The following RALYL variants were observed in gnomAD, a reference collection of about 807,000 sequenced individuals.
RALYL encodes RNA-binding Raly-like protein.
In RALYL, 29 loss-of-function variants were observed where a neutral mutation model predicts 35.1. The observed-to-expected ratio is 0.83, with a 90% CI of 0.61 to 1.13. RALYL has a LOEUF of 1.13. Ranked by LOEUF, RALYL falls within the 50% of genes most tolerant of loss-of-function variation. The probability of loss-of-function intolerance (pLI) is 0.00; values close to 1 mark genes in which losing one functional copy is unlikely to be tolerated. For synonymous variants in RALYL, 120 were observed against 127.6 expected, an observed-to-expected ratio of 0.94 and a Z score of 0.40; for missense variants, 359 against 360.4, an observed-to-expected ratio of 1.00 and a Z score of 0.03.
intron 2 of RALYL, among the ~76,000 whole-genome samples, chr8:84,759,017 G>T (rs1462975883): frequency 6.6e-6 from 1 of 152,014 alleles, no homozygotes; most frequent in East Asian, 1.9e-4. Flanking sequence ...CCAACTTCTG[G>T]CAGCCTCCTG....
intron 1 of RALYL, among the ~76,000 whole-genome samples, chr8:84,484,327 A>G (rs7844228): frequency 0.04 from 6,015 of 152,194 alleles, 241 homozygotes; most frequent in African/African-American, 0.099. Context: ...TTGAAAGTAG[A>G]GTAAATTAAA....
intron 1 of RALYL, among the ~76,000 whole-genome samples, chr8:84,201,255 T>C (rs1257337065): frequency 6.6e-6 from 1 of 152,094 alleles, no homozygotes; most frequent in Non-Finnish European, 1.5e-5. Context: ...CTGTATAGTC[T>C]TTGAGGTTAA....
At chr8:84,533,228 G>C (rs190496981) in intron 2 of RALYL, among the ~76,000 whole-genome samples, 83 of 152,134 alleles carry the variant, frequency 5.5e-4, no homozygotes, top group Non-Finnish European at 1.1e-3. Flanking sequence ...TTCTAAGTTT[G>C]TTAATATTGG....
intron 1 of RALYL, among the ~76,000 whole-genome samples, chr8:84,282,470 A>G (rs2132097882): frequency 1.3e-5 from 2 of 152,062 alleles, no homozygotes; most frequent in African/African-American, 4.8e-5. Flanking sequence ...CATTCCTTTC[A>G]AAGTGTGAAC....
intron 2 of RALYL, among the ~76,000 whole-genome samples, chr8:84,671,150 T>G (rs1223083890): frequency 6.6e-6 from 1 of 152,026 alleles, no homozygotes; most frequent in East Asian, 1.9e-4. Context: ...ATCTTAAAGC[T>G]CCAAAATGAT....
intron 2 of RALYL, among the ~76,000 whole-genome samples, chr8:84,716,898 C>T (rs1410337033): frequency 6.6e-6 from 1 of 151,962 alleles, no homozygotes; most frequent in Non-Finnish European, 1.5e-5. Flanking sequence ...TAACCAAGCA[C>T]AGGAACAAAA....
intron 4 of RALYL, chr8:84,828,906 A>T (rs555061907): frequency 6.5e-6 from 1 of 152,686 alleles, no homozygotes; most frequent in Non-Finnish European, 1.5e-5. Flanking sequence ...TGCTTTATAC[A>T]TTATCAAGGT....
In RALYL at chr8:84,825,407, A is replaced by G. The variant is rs1829459602; in HGVS notation, c.365+20605A>G. Among the ~76,000 whole-genome samples, 4 of 152,330 alleles carry G rather than the reference A, an allele frequency of 2.6e-5. No homozygotes were observed. In the South Asian group the frequency reaches 8.3e-4, roughly 32 times the overall value. On this transcript the variant is annotated intron_variant, in intron 4 of 8. Transcript: ENST00000521268. ...TCATACACTGTTGGTGGGAATGTAAATTAGTTCAACCACTGTGGAAAGCAG... is the reference window on the plus strand; with the variant it reads ...TCATACACTGTTGGTGGGAATGTAAGTTAGTTCAACCACTGTGGAAAGCAG...
At chr8:84,572,982 A>G (rs1469129345) in intron 2 of RALYL, among the ~76,000 whole-genome samples, 2 of 151,512 alleles carry the variant, frequency 1.3e-5, no homozygotes, top group East Asian at 1.9e-4. Flanking sequence ...TTGCAACTTT[A>G]TATAATCCCA....
At chr8:84,684,302 A>G (rs1836293998) in intron 2 of RALYL, among the ~76,000 whole-genome samples, 1 of 152,166 alleles carries the variant, frequency 6.6e-6, no homozygotes, top group Non-Finnish European at 1.5e-5. Flanking sequence ...ATTTATGTTT[A>G]TTTGATAAAT....
At chr8:84,323,203 C>T (rs953112230) in intron 1 of RALYL, among the ~76,000 whole-genome samples, 1 of 151,726 alleles carries the variant, frequency 6.6e-6, no homozygotes, top group Non-Finnish European at 1.5e-5. Flanking sequence ...GAATTGTAAT[C>T]CTTAATAATT....
intron 2 of RALYL, among the ~76,000 whole-genome samples, chr8:84,711,232 C>T (rs1486694531): frequency 6.6e-6 from 1 of 152,096 alleles, no homozygotes; most frequent in Non-Finnish European, 1.5e-5. Flanking sequence ...TAGAGTAGGA[C>T]AGACAACAGA....
At position 84,609,682 on chromosome 8, in the gene RALYL, T is replaced by A. The variant is rs148276093; in HGVS notation, c.256+80105T>A. 3.1e-4 allele frequency among the ~76,000 whole-genome samples: 47 copies of A among 152,324 alleles called. No individual in the cohort carries two copies. The East Asian group carries it at 6.2e-3, about 20-fold the overall frequency. ...CCTATATAATCCTGAATGCTCTGCA[T>A]ACAGTTTCTTCTATTATTAGCATCT... On this transcript the variant is annotated intron_variant, in intron 2 of 8. Transcript: ENST00000521268.
chr8:84,554,305 G>T (rs1251874521), intron 2 of RALYL, among the ~76,000 whole-genome samples: 1 of 152,086 alleles, frequency 6.6e-6, no homozygotes, highest in Non-Finnish European at 1.5e-5. Context: ...GTAGTTCATT[G>T]TGTTTTGTTT....
intron 2 of RALYL, among the ~76,000 whole-genome samples, chr8:84,730,860 T>C (rs1189758627): frequency 6.6e-6 from 1 of 151,942 alleles, no homozygotes; most frequent in Non-Finnish European, 1.5e-5. Flanking sequence ...TACTTGATGA[T>C]GGGAATGAGA....
rs562189904 is a variant in RALYL, at chr8:84,568,148, A to G, written c.256+38571A>G. The stretch of plus-strand genomic sequence containing the variant: ...TGCGCCATGTTGGGGTGCTGCACCC[A>G]TTAACTCGTCATTTACATTAGGTAT... On this transcript the variant is annotated intron_variant, in intron 2 of 8. Coordinates refer to ENST00000521268, the MANE Select transcript of RALYL (RefSeq NM_173848.7). Among the ~76,000 whole-genome samples, 260 of 148,138 alleles carry G rather than the reference A, an allele frequency of 1.8e-3. 2 individuals carry two copies. The highest frequency in any genetic ancestry group is 6.3e-3 in the African/African-American group (254 of 40,468).
chr8:84,483,163 A>G (rs1328428078), intron 1 of RALYL, among the ~76,000 whole-genome samples: 2 of 152,102 alleles, frequency 1.3e-5, no homozygotes, highest in African/African-American at 2.4e-5. Flanking sequence ...CATTGTTTCA[A>G]TTTCTAATTG....
chr8:84,270,458 T>C (rs570766076), intron 1 of RALYL, among the ~76,000 whole-genome samples: 14 of 152,010 alleles, frequency 9.2e-5, no homozygotes, highest in Non-Finnish European at 2.1e-4. Context: ...GGGAGAATAC[T>C]GACAGAAGAG....
At chr8:84,733,063 T>C (rs188327800) in intron 2 of RALYL, among the ~76,000 whole-genome samples, 1 of 152,164 alleles carries the variant, frequency 6.6e-6, no homozygotes. Context: ...AGTCAGATAT[T>C]AGTTGTTTGG....
Sources: gnomAD v4.1 joint callset for allele counts (sites outside exome capture counted in the v4.1 genomes callset) on GRCh38, gnomAD v4.1.1 for gene constraint, MANE v1.5 for transcripts, NCBI Gene and HGNC (gene_info 2026-07-23, HGNC 2026-07-21) for gene names.